Variants in MTMR11 observed in about 807,000 individuals in gnomAD.
MTMR11 encodes the protein myotubularin related protein 11.
In MTMR11, 89 loss-of-function variants were observed where a neutral mutation model predicts 100.0. That is an observed-to-expected ratio of 0.89 (90% CI 0.75 to 1.06). The LOEUF (loss-of-function observed/expected upper bound fraction) is 1.06, where lower values mean the gene tolerates loss of function less well. Ranked by LOEUF, MTMR11 falls within the 50% of genes least tolerant of loss-of-function variation. The pLI is 0.00. For synonymous variants in MTMR11, 336 were observed against 326.3 expected, an observed-to-expected ratio of 1.03 and a Z score of -0.32; for missense variants, 809 against 873.7, an observed-to-expected ratio of 0.93 and a Z score of 0.93.
intron 7 of MTMR11, 29 bp downstream of exon 7, chr1:149,934,162 A>T (rs1455045588): frequency 1.9e-6 from 3 of 1,613,170 alleles, no homozygotes; most frequent in Non-Finnish European, 2.5e-6. Context: ...TTGGGAGAGC[A>T]GCAGGGTTGG....
rs1553768433 is a variant in MTMR11, at chr1:149,934,241, G to A, written c.633C>T (p.Ala211=). 2 of 1,614,042 alleles carry A rather than the reference G, an allele frequency of 1.2e-6. No homozygotes were observed. The highest frequency in any genetic ancestry group is 1.7e-6 in the Non-Finnish European group (2 of 1,180,040). The change falls in exon 7 of 17, where the codon GCC becomes GCT. Residue 211 remains alanine (A), a synonymous_variant. Coordinates refer to ENST00000439741, the MANE Select transcript of MTMR11 (RefSeq NM_001145862.2). ...TGACCGTGCTGACCCTCCAGCCTCTGGCTGCCTGCTTCTTCCGCTCAGTCT... is the reference window on the plus strand; with the variant it reads ...TGACCGTGCTGACCCTCCAGCCTCTAGCTGCCTGCTTCTTCCGCTCAGTCT... ...DWETERKKQA[A]RGWRVSTVNE...
At chr1:149,930,726 G>C (rs1184873859) in intron 14 of MTMR11, 66 bp downstream of exon 14, 13 of 1,478,002 alleles carry the variant, frequency 8.8e-6, no homozygotes, top group African/African-American at 1.4e-5. Context: ...AACAAATCAA[G>C]ACCAAACTTC....
chr1:149,936,247 G>A lies in MTMR11; in HGVS notation c.67-18C>T. 6.2e-7 allele frequency: 1 copy of A among 1,612,614 alleles called. No homozygotes were observed. The highest frequency in any genetic ancestry group is 1.7e-5 in the Admixed American group (1 of 59,988). ...TGGACAGACTTTGGTCCAGAGGGTT[G>A]AGGGGGGTCTAGAGTTAACCCCTAG... On this transcript the variant is annotated intron_variant, in intron 1 of 16. Transcript: ENST00000439741.
At chr1:149,930,651 A>G (rs2092646268) in intron 14 of MTMR11, 104 bp from the exon 15 acceptor site, 2 of 1,379,304 alleles carry the variant, frequency 1.5e-6, no homozygotes, top group Admixed American at 2.4e-5. Context: ...ATGTAGGGCA[A>G]AAGTCTCGTC....
rs138925431 is a variant in MTMR11, at chr1:149,928,687, T to C, written c.*442A>G. On this transcript the variant is annotated 3_prime_UTR_variant, in exon 17 of 17. Transcript: ENST00000439741. ...ACTATGCTTTAATGAGCCCCTTAAA[T>C]AGAAATTCCACTACAAAAATACAGA... 71 of 627,014 alleles carry C rather than the reference T, an allele frequency of 1.1e-4. 1 individual carries two copies. In the African/African-American group the frequency reaches 1.2e-3, roughly 10 times the overall value. The allele number at this position is 627,014 out of a possible 1,614,324, so 38.8% of individuals were successfully genotyped here.
Position 149,931,385 on chromosome 1 carries a change from C to G in MTMR11, c.1165G>C (p.Val389Leu). Residue 389 changes from valine to leucine, a missense_variant, in exon 13 of 17, where the codon GTC (valine) becomes CTC (leucine). Coordinates refer to ENST00000439741, the MANE Select transcript of MTMR11 (RefSeq NM_001145862.2). ...GCTTCGGGGGCTGAAAGCAGCTGGA[C>G]GAGTGAAGAGAGGAGGCCATTGAGA... ...RDLNGLLSSL[V>L]QLLSAPEART... 6.8e-6 allele frequency: 11 copies of G among 1,612,284 alleles called. No individual in the cohort carries two copies. Among genetic ancestry groups the G allele is most frequent in the Non-Finnish European group, 9.3e-6 (11 of 1,179,286 alleles).
chr1:149,929,074 GA>G lies in MTMR11; in HGVS notation c.*54del. On this transcript the variant is annotated 3_prime_UTR_variant, in exon 17 of 17. Coordinates refer to ENST00000439741, the MANE Select transcript of MTMR11 (RefSeq NM_001145862.2). ...ACTTAAGGGCTGAAGTGTGAAAGCTGAGGCTGCAAGTGCAGATACAAAAAAA... is the reference window on the plus strand; with the variant it reads ...ACTTAAGGGCTGAAGTGTGAAAGCTGGGCTGCAAGTGCAGATACAAAAAAA... 6.4e-7 allele frequency: 1 copy of G among 1,565,454 alleles called. No homozygotes were observed. Among genetic ancestry groups the G allele is most frequent in the Non-Finnish European group, 8.6e-7 (1 of 1,158,600 alleles).
rs1315344979 is a variant in MTMR11 at position 149,930,225 on chromosome 1, G to T, written c.1647+140C>A. The T allele has an allele frequency of 4.4e-6, 4 of 910,712 alleles. No individual in the cohort carries two copies. The African/African-American group carries it at 6.6e-5, about 15-fold the overall frequency. 56.4% of individuals were successfully genotyped at this position (910,712 alleles called of 1,614,324 possible). ...TTCTGTCTTCCTAGGGACACCCAGG[G>T]ACTATAAGTGACAGCTGCAGAAGAG... On this transcript the variant is annotated intron_variant, in intron 15 of 16. Coordinates refer to ENST00000439741, the MANE Select transcript of MTMR11 (RefSeq NM_001145862.2).
Position 149,935,207 on chromosome 1 carries a change from C to T in MTMR11, c.326-79G>A, listed in dbSNP as rs2092707111. On this transcript the variant is annotated intron_variant, in intron 4 of 16. Coordinates refer to ENST00000439741, the MANE Select transcript of MTMR11 (RefSeq NM_001145862.2). ...GGGACTCTTGCAGCCCATCCCACTC[C>T]ATCCCTGCTGTTTTCTGAGAACAGA... 1.9e-6 allele frequency: 3 copies of T among 1,607,044 alleles called. No individual in the cohort carries two copies. In the South Asian group the frequency reaches 3.3e-5, roughly 18 times the overall value.
chr1:149,930,365 C>T lies in MTMR11; in HGVS notation c.1647G>A (p.Gln549=), dbSNP rs1559803366. 2 of 1,612,216 alleles carry T rather than the reference C, an allele frequency of 1.2e-6. No homozygotes were observed. The highest frequency in any genetic ancestry group is 1.7e-6 in the Non-Finnish European group (2 of 1,178,718). ...AATTTAGGAAGTTTAGACACTTCACCTGTGGTCTAGGGAGCCAGGAATCTG... is the reference window on the plus strand; with the variant it reads ...AATTTAGGAAGTTTAGACACTTCACTTGTGGTCTAGGGAGCCAGGAATCTG... ...HCPDSWLPRP[Q]PSFMVPGPPS... Residue 549 remains glutamine (Q), a splice_region_variant and synonymous_variant, in exon 15 of 17, where the codon CAG becomes CAA. Coordinates refer to ENST00000439741, the MANE Select transcript of MTMR11 (RefSeq NM_001145862.2).
rs1553768458 is a variant in MTMR11 at position 149,934,279 on chromosome 1, C to G, written c.595G>C (p.Ala199Pro). Residue 199 changes from alanine to proline, a missense_variant, in exon 7 of 17, where the codon GCG (alanine) becomes CCG (proline). Coordinates refer to ENST00000439741, the MANE Select transcript of MTMR11 (RefSeq NM_001145862.2). ...TTCCGCTCAGTCTCCCAGTCTTCCG[C>G]TGTCTCCATGAGAGGAATTGGTGGT... is the stretch of plus-strand genomic sequence containing the variant. ...RKPPIPLMET[A>P]EDWETERKKQ... 6.2e-7 allele frequency: 1 copy of G among 1,614,210 alleles called. No homozygotes were observed. Among genetic ancestry groups the G allele is most frequent in the Admixed American group, 1.7e-5 (1 of 60,022 alleles).
chr1:149,935,461 C>G, intron 3 of MTMR11, 102 bp from the exon 4 acceptor site: 1 of 1,575,578 alleles, frequency 6.3e-7, no homozygotes, highest in Admixed American at 1.7e-5. Flanking sequence ...AGAGAGAGTT[C>G]CCACTGATTA....
chr1:149,934,152 T>C (rs904413443), intron 7 of MTMR11, 39 bp downstream of exon 7: 4 of 1,612,754 alleles, frequency 2.5e-6, no homozygotes, highest in Admixed American at 1.7e-5. Context: ...TAAGGGAAGA[T>C]TGGGAGAGCA....
intron 10 of MTMR11, among the ~76,000 whole-genome samples, chr1:149,932,562 A>G (rs1399106870): frequency 6.6e-6 from 1 of 152,210 alleles, no homozygotes; most frequent in African/African-American, 2.4e-5. Flanking sequence ...TTATGTCTCA[A>G]TAAAGCTGTT....
At chr1:149,935,877 C>G (rs1455616948) in intron 2 of MTMR11, among the ~76,000 whole-genome samples, 172 bp from the exon 3 acceptor site, 1 of 152,142 alleles carries the variant, frequency 6.6e-6, no homozygotes, top group African/African-American at 2.4e-5. Flanking sequence ...ATTTCTGTAA[C>G]TAGAACAGAG....
In MTMR11 at chr1:149,931,928, T is replaced by C. The variant is rs782447399; in HGVS notation, c.1123+16A>G. ...AAAGAGGCAAGGAATGGAATGGGCT[T>C]AACCAAGGAACTCACCTTGAAGTAT... is the stretch of plus-strand genomic sequence containing the variant. On this transcript the variant is annotated intron_variant, in intron 12 of 16. Coordinates refer to ENST00000439741, the MANE Select transcript of MTMR11 (RefSeq NM_001145862.2). 1.2e-6 allele frequency: 2 copies of C among 1,602,714 alleles called. No homozygotes were observed. The highest frequency in any genetic ancestry group is 3.3e-5 in the Admixed American group (2 of 59,988).
intron 15 of MTMR11, 124 bp from the exon 16 acceptor site, chr1:149,930,040 C>T: frequency 1.9e-6 from 2 of 1,059,840 alleles, no homozygotes; most frequent in African/African-American, 1.6e-5. Flanking sequence ...AACTACAAGC[C>T]TCCCCATGAG....
In MTMR11 at chr1:149,934,445, C is replaced by CACCA; in HGVS notation, c.546_547+2dup. ...TTCCTTACCCTAAAGCACTCTCACT[C>CACCA]ACCAGCCTTGCTCAGGGTTATCCCC... On this transcript the variant is annotated splice_region_variant and intron_variant, in intron 6 of 16. Transcript: ENST00000439741. 6.2e-7 allele frequency: 1 copy of CACCA among 1,614,190 alleles called. No homozygotes were observed. Among genetic ancestry groups the CACCA allele is most frequent in the Non-Finnish European group, 8.5e-7 (1 of 1,180,016 alleles).
intron 3 of MTMR11, 37 bp downstream of exon 3, chr1:149,935,547 C>G (rs1553768936): frequency 6.2e-7 from 1 of 1,608,862 alleles, no homozygotes; most frequent in East Asian, 2.2e-5. Context: ...TACCCATTTC[C>G]CACTAGCTGT....
Sources: gnomAD v4.1 joint callset for allele counts (sites outside exome capture counted in the v4.1 genomes callset) on GRCh38, gnomAD v4.1.1 for gene constraint, MANE v1.5 for transcripts, NCBI Gene and HGNC (gene_info 2026-07-23, HGNC 2026-07-21) for gene names.